RBFA: variants seen among roughly 807,000 people sequenced by gnomAD.
RBFA encodes the protein putative ribosome-binding factor A, mitochondrial.
RBFA carries 16 observed loss-of-function variants against 27.9 expected under a neutral mutation model. The observed-to-expected ratio is 0.57, with a 90% CI of 0.39 to 0.87. The LOEUF is 0.87. RBFA is among the 40% of genes least tolerant of loss of function. RBFA has a pLI of 0.00. For synonymous variants in RBFA, 181 were observed against 181.0 expected (o/e 1.00, Z 0.00); for missense variants, 456 against 432.1 (o/e 1.06, Z -0.49).
At chr18:80,040,483 A>G (rs1459146738) in intron 4 of RBFA, among the ~76,000 whole-genome samples, 1 of 151,970 alleles carries the variant, frequency 6.6e-6, no homozygotes, top group Non-Finnish European at 1.5e-5. Context: ...CCTGGGCTTA[A>G]GCGATCCTCT....
chr18:80,034,699 G>GGCGGTGTCCCCGGGTT (rs749948948), intron 1 of RBFA, 46 bp downstream of exon 1: 197 of 1,589,172 alleles, frequency 1.2e-4, no homozygotes, highest in Non-Finnish European at 1.6e-4. Context: ...TTCCCTAGGG[G>GGCGGTGTCCCCGGGTT]GCGGTGTCCC....
At position 80,037,375 on chromosome 18, in the gene RBFA, A is replaced by G. The variant is rs925176670; in HGVS notation, c.247A>G (p.Lys83Glu). ...GGAATTCCTCATGAGGAGCACCTCAAAGAAAACCAGGAAGGAAGACCATGC... is the reference window on the plus strand; with the variant it reads ...GGAATTCCTCATGAGGAGCACCTCAGAGAAAACCAGGAAGGAAGACCATGC... ...KLEFLMRSTSKKTRKEDHARL... is the reference protein window; with the variant it reads ...KLEFLMRSTSEKTRKEDHARL... The change falls in exon 3 of 7, where the codon AAG becomes GAG. Residue 83 changes from lysine to glutamate, a missense_variant. By Grantham distance (56) the Lys-to-Glu change is moderately conservative (BLOSUM62 1). Transcript: ENST00000306735. 7 of 1,613,996 alleles carry G rather than the reference A, an allele frequency of 4.3e-6. No individual in the cohort carries two copies. The highest frequency in any genetic ancestry group is 3.3e-5 in the Admixed American group (2 of 60,010).
At chr18:80,043,007 A>G (rs542679441) in intron 5 of RBFA, among the ~76,000 whole-genome samples, 2 of 152,172 alleles carry the variant, frequency 1.3e-5, no homozygotes, top group Non-Finnish European at 2.9e-5. Flanking sequence ...ACCTCTCGAA[A>G]TGGATCAGTC....
Position 80,046,451 on chromosome 18 carries a change from C to T in RBFA, c.*296C>T, listed in dbSNP as rs537999252. Reference sequence around the variant, plus strand: ...CATGGCCACCTCCACCTGCAGAGCCCTGCCAGGTGCCAGTGAGTGCTTGGC... The same window carrying T: ...CATGGCCACCTCCACCTGCAGAGCCTTGCCAGGTGCCAGTGAGTGCTTGGC... On this transcript the variant is annotated 3_prime_UTR_variant, in exon 7 of 7. Transcript: ENST00000306735. 5.5e-6 allele frequency: 2 copies of T among 362,052 alleles called. No individual in the cohort carries two copies. The highest frequency in any genetic ancestry group is 4.2e-5 in the Admixed American group (1 of 23,580). The allele number at this position is 362,052 out of a possible 1,614,324, so 22.4% of individuals were successfully genotyped here. A position where few individuals can be genotyped will look rare whatever the true frequency, so the allele number is the denominator to read the frequency against.
At chr18:80,044,096 G>T in intron 5 of RBFA, 116 bp from the exon 6 acceptor site, 22 of 865,116 alleles carry the variant, frequency 2.5e-5, no homozygotes, top group Non-Finnish European at 4.0e-5. Flanking sequence ...GGAAGGAATT[G>T]TGCAAAGTCT....
rs193001351 is a variant in RBFA at position 80,042,121 on chromosome 18, G to A, written c.492-14G>A. ...ACGGCACAGCTGTGAGGGTCTGTGC[G>A]TTCTGTCTCCTAGGCACCTTTTGAT... On this transcript the variant is annotated splice_polypyrimidine_tract_variant and intron_variant, in intron 4 of 6. Transcript: ENST00000306735. 116 of 1,598,310 alleles carry A rather than the reference G, an allele frequency of 7.3e-5. No homozygotes were observed. The highest frequency in any genetic ancestry group is 1.7e-4 in the Middle Eastern group (1 of 5,996).
At position 80,034,570 on chromosome 18, in the gene RBFA, G is replaced by C. The variant is rs752923926; in HGVS notation, c.75G>C (p.Ala25=). The C allele has an allele frequency of 1.2e-6, 2 of 1,609,540 alleles. No homozygotes were observed. Among genetic ancestry groups the C allele is most frequent in the Non-Finnish European group, 1.7e-6 (2 of 1,179,082 alleles). ...CCCTGTTCCGTAGCCGCGATGCTGC[G>C]CTATTTCCAGGCTGCGAGCGGGGAC... The part of the protein sequence containing the change: ...LRALFRSRDA[A]LFPGCERGLH... The change falls in exon 1 of 7, where the codon GCG becomes GCC. Residue 25 remains alanine (A), a synonymous_variant. Transcript: ENST00000306735.
intron 4 of RBFA, among the ~76,000 whole-genome samples, chr18:80,040,539 C>T (rs938733543): frequency 7.9e-5 from 12 of 152,068 alleles, no homozygotes; most frequent in Non-Finnish European, 1.2e-4. Context: ...TGAGCTACTG[C>T]GCTGGCTCTT....
Position 80,048,911 on chromosome 18 carries a change from G to A in RBFA, c.*2756G>A, listed in dbSNP as rs1405963978. On this transcript the variant is annotated 3_prime_UTR_variant, in exon 7 of 7. Transcript: ENST00000306735. ...CTCAGTGCCTCCTAGAAAGTGGAGT[G>A]TGGGCACGTTTGCAGGGGATCCAAC... Among the ~76,000 whole-genome samples, 4 of 148,350 alleles carry A rather than the reference G, an allele frequency of 2.7e-5. No individual in the cohort carries two copies. Among genetic ancestry groups the A allele is most frequent in the Non-Finnish European group, 6.0e-5 (4 of 67,016 alleles).
At chr18:80,041,622 A>AT (rs1555724083) in intron 4 of RBFA, 1 of 152,082 alleles carries the variant, frequency 6.6e-6, no homozygotes, top group African/African-American at 2.4e-5. Context: ...GTTATGATGC[A>AT]TTTTGCATCC....
chr18:80,042,434 T>C (rs2052022789), intron 5 of RBFA, among the ~76,000 whole-genome samples: 1 of 152,000 alleles, frequency 6.6e-6, no homozygotes, highest in South Asian at 2.1e-4. Flanking sequence ...TGAATAAAGT[T>C]TTAAATTTAA....
intron 1 of RBFA, 105 bp downstream of exon 1, chr18:80,034,758 C>G (rs2051964231): frequency 6.9e-7 from 1 of 1,447,144 alleles, no homozygotes; most frequent in East Asian, 2.6e-5. Flanking sequence ...TGCGGCCTAG[C>G]TCGCCAGTTC....
In RBFA at chr18:80,042,163, A is replaced by AG. The variant is rs775946493; in HGVS notation, c.522dup (p.Asn175GlufsTer18). 6.2e-7 allele frequency: 1 copy of AG among 1,611,526 alleles called. No individual in the cohort carries two copies. The highest frequency in any genetic ancestry group is 1.3e-5 in the African/African-American group (1 of 74,994). On this transcript the variant is annotated frameshift_variant, in exon 5 of 7. Coordinates refer to ENST00000306735, the MANE Select transcript of RBFA (RefSeq NM_024805.3). LOFTEE classifies it high-confidence loss of function. ...CCTTTTGATGTCCCAGCAGACCCTG[A>AG]GGAATGTGCCACCGATAGTGTTTGT...
In RBFA at chr18:80,047,372, C is replaced by G. The variant is rs1195140414; in HGVS notation, c.*1217C>G. Reference sequence around the variant, plus strand: ...CCAGGCCACGTGCTGCAGACAGCGGCTGTGGGCGAGTGATGAGGCCACTAC... The same window carrying G: ...CCAGGCCACGTGCTGCAGACAGCGGGTGTGGGCGAGTGATGAGGCCACTAC... On this transcript the variant is annotated 3_prime_UTR_variant, in exon 7 of 7. Transcript: ENST00000306735. 6.6e-6 allele frequency: 1 copy of G among 152,344 alleles called. No homozygotes were observed. Among genetic ancestry groups the G allele is most frequent in the Admixed American group, 6.5e-5 (1 of 15,284 alleles). The allele number at this position is 152,344 out of a possible 1,614,324, so 9.4% of individuals were successfully genotyped here. A position where few individuals can be genotyped will look rare whatever the true frequency, so the allele number is the denominator to read the frequency against.
rs1415297988 is a variant in RBFA, at chr18:80,050,253, G to A, written c.*4098G>A. Among the ~76,000 whole-genome samples the A allele has an allele frequency of 2.6e-5, 4 of 152,206 alleles. No homozygotes were observed. Among genetic ancestry groups the A allele is most frequent in the Non-Finnish European group, 5.9e-5 (4 of 68,046 alleles). On this transcript the variant is annotated 3_prime_UTR_variant, in exon 7 of 7. Transcript: ENST00000306735. Reference sequence around the variant, plus strand: ...CACCCAGGCCAGGGTAAGGGGAGCAGAGACCTTTTGGTTCCTGGTTTGTGA... The same window carrying A: ...CACCCAGGCCAGGGTAAGGGGAGCAAAGACCTTTTGGTTCCTGGTTTGTGA...
chr18:80,034,830 C>T, intron 1 of RBFA, 177 bp downstream of exon 1: 2 of 638,548 alleles, frequency 3.1e-6, no homozygotes, highest in Non-Finnish European at 5.1e-6. Flanking sequence ...CTTTTGTGTT[C>T]GTGGACGTGT....
At chr18:80,042,652 T>G (rs951299387) in intron 5 of RBFA, among the ~76,000 whole-genome samples, 5 of 151,886 alleles carry the variant, frequency 3.3e-5, no homozygotes, top group Non-Finnish European at 7.4e-5. Context: ...GCGCCCGTAG[T>G]CTCAGCTGCT....
intron 4 of RBFA, chr18:80,041,468 G>T (rs1346731267): frequency 6.6e-6 from 1 of 152,236 alleles, no homozygotes; most frequent in Non-Finnish European, 1.5e-5. Context: ...TGAGGGTTGT[G>T]TCGTGCCAGG....
At chr18:80,035,846 C>G (rs1257326996) in intron 1 of RBFA, 2 of 152,324 alleles carry the variant, frequency 1.3e-5, no homozygotes, top group East Asian at 3.9e-4. Context: ...AGCTCAGGCC[C>G]TTAGGAGCTC....
Sources: allele counts gnomAD v4.1 joint callset (sites outside exome capture counted in the v4.1 genomes callset), GRCh38; gene constraint gnomAD v4.1.1; transcripts MANE v1.5; gene names NCBI Gene and HGNC (gene_info 2026-07-23, HGNC 2026-07-21).